Variants in PTGFRN observed in about 807,000 individuals in gnomAD.
PTGFRN encodes prostaglandin F2 receptor negative regulator.
A neutral mutation model predicts 83.2 loss-of-function variants in PTGFRN; 35 were observed. That is an observed-to-expected ratio of 0.42 (90% CI 0.32 to 0.56). PTGFRN has a LOEUF of 0.56. PTGFRN is among the 20% of genes least tolerant of loss of function. The pLI, the probability that PTGFRN is intolerant of heterozygous loss-of-function variation, is 0.11. For synonymous variants in PTGFRN, 519 were observed against 498.6 expected (o/e 1.04, Z -0.55); for missense variants, 1,051 against 1,179.5 (o/e 0.89, Z 1.60).
chr1:116,935,084 T>C (rs937139684), intron 1 of PTGFRN, among the ~76,000 whole-genome samples: 6 of 152,252 alleles, frequency 3.9e-5, no homozygotes, highest in African/African-American at 1.4e-4. Context: ...TCTGCTTAGC[T>C]TCTCAGCCAC....
intron 1 of PTGFRN, among the ~76,000 whole-genome samples, chr1:116,929,503 G>A (rs570154378): frequency 1.3e-5 from 2 of 152,310 alleles, no homozygotes; most frequent in East Asian, 3.9e-4. Flanking sequence ...ATCAGTCACA[G>A]TGATCTTTTT....
chr1:116,927,363 C>T (rs1649682548), intron 1 of PTGFRN, among the ~76,000 whole-genome samples: 1 of 152,068 alleles, frequency 6.6e-6, no homozygotes, highest in Non-Finnish European at 1.5e-5. Flanking sequence ...CTCCCAGGAT[C>T]TCTCAAAGGC....
intron 8 of PTGFRN, 144 bp from the exon 9 acceptor site, chr1:116,986,657 T>A (rs752122054): frequency 1.3e-4 from 85 of 679,406 alleles, no homozygotes; most frequent in Non-Finnish European, 2.0e-4. Flanking sequence ...CTGTCTCCAG[T>A]GGTGTGCTAG....
chr1:116,914,382 A>G lies in PTGFRN; in HGVS notation c.49+4130A>G, dbSNP rs140930182. On this transcript the variant is annotated intron_variant, in intron 1 of 8. Transcript: ENST00000393203. ...GCTGGGAAGCCATGTGCCAGCTACT[A>G]TGGAAGAAGGGAAAGACAGATTTTG... Among the ~76,000 whole-genome samples, 489 of 152,320 alleles carry G rather than the reference A, an allele frequency of 3.2e-3. 3 individuals carry two copies. The highest frequency in any genetic ancestry group is 4.7e-3 in the Non-Finnish European group (319 of 68,020).
In PTGFRN at chr1:116,910,158, G is replaced by A; in HGVS notation, c.-46G>A. 1.3e-6 allele frequency: 2 copies of A among 1,517,148 alleles called. No homozygotes were observed. Among genetic ancestry groups the A allele is most frequent in the South Asian group, 1.2e-5 (1 of 82,890 alleles). The allele number at this position is 1,517,148 out of a possible 1,614,324, so 94.0% of individuals were successfully genotyped here. ...CTGGAAGAGGAGGAGGAGGAGAGGCGGCGGGGAAGGAGGAGGAGGGGGAGA... is the reference window on the plus strand; with the variant it reads ...CTGGAAGAGGAGGAGGAGGAGAGGCAGCGGGGAAGGAGGAGGAGGGGGAGA... On this transcript the variant is annotated 5_prime_UTR_variant, in exon 1 of 9. Transcript: ENST00000393203.
At chr1:116,976,635 TGAA>T (rs1290899775) in intron 7 of PTGFRN, among the ~76,000 whole-genome samples, 1 of 152,032 alleles carries the variant, frequency 6.6e-6, no homozygotes, top group African/African-American at 2.4e-5. Context: ...GCTTCAGAAG[TGAA>T]GAAGAAATAA....
intron 7 of PTGFRN, among the ~76,000 whole-genome samples, chr1:116,980,248 A>C (rs1651275268): frequency 1.3e-5 from 2 of 152,282 alleles, no homozygotes; most frequent in African/African-American, 4.8e-5. Flanking sequence ...AAATAGGAAC[A>C]CTTTTACACT....
In PTGFRN at chr1:116,961,837, A is replaced by G. The variant is rs1570669010; in HGVS notation, c.1639+169A>G. Among the ~76,000 whole-genome samples the G allele has an allele frequency of 6.6e-6, 1 of 151,830 alleles. No individual in the cohort carries two copies. Among genetic ancestry groups the G allele is most frequent in the Non-Finnish European group, 1.5e-5 (1 of 67,940 alleles). ...GCACATGCTCTTTGGACTCACTATC[A>G]CCCCTCCTCTGTCCCCAAGCCCCAG... On this transcript the variant is annotated intron_variant, in intron 5 of 8. Transcript: ENST00000393203. The surrounding 1 kb of genome is among the most constrained non-coding windows in gnomAD (Gnocchi z 5.4).
At chr1:116,964,882 C>T (rs1650780661) in intron 5 of PTGFRN, among the ~76,000 whole-genome samples, 1 of 152,262 alleles carries the variant, frequency 6.6e-6, no homozygotes, top group Non-Finnish European at 1.5e-5. Flanking sequence ...TGGCGCCACC[C>T]TTGCCTGGAT....
rs1483261547 is a variant in PTGFRN, at chr1:116,944,756, G to A, written c.496G>A (p.Glu166Lys). The A allele has an allele frequency of 4.0e-6, 6 of 1,517,308 alleles. No homozygotes were observed. The Admixed American group carries it at 6.4e-5, about 16-fold the overall frequency. The allele number at this position is 1,517,308 out of a possible 1,614,324, so 94.0% of individuals were successfully genotyped here. A position where few individuals can be genotyped will look rare whatever the true frequency, so the allele number is the denominator to read the frequency against. Reference protein sequence around the residue: ...SLSLREGEPFELRCTAASASP... With the variant: ...SLSLREGEPFKLRCTAASASP... ...GAGCCTGCGGGAGGGGGAGCCCTTC[G>A]AGCTGCGCTGCACCGCCGCCTCCGC... The change falls in exon 3 of 9, where the codon GAG (glutamate) becomes AAG (lysine). Residue 166 changes from glutamate (E) to lysine (K), a missense_variant. Coordinates refer to ENST00000393203, the MANE Select transcript of PTGFRN (RefSeq NM_020440.4).
At chr1:116,926,531 A>G (rs2101054832) in intron 1 of PTGFRN, among the ~76,000 whole-genome samples, 1 of 152,352 alleles carries the variant, frequency 6.6e-6, no homozygotes, top group East Asian at 1.9e-4. Context: ...GTTAATCATC[A>G]GTACAGATTG....
At chr1:116,910,404 G>A in intron 1 of PTGFRN, 152 bp downstream of exon 1, 1 of 560,538 alleles carries the variant, frequency 1.8e-6, no homozygotes, top group Non-Finnish European at 2.4e-6. Context: ...TGTTCGGCCC[G>A]GCGGGGAGCG....
chr1:116,946,877 T>C (rs1557739488), intron 3 of PTGFRN, among the ~76,000 whole-genome samples: 1 of 152,264 alleles, frequency 6.6e-6, no homozygotes, highest in Non-Finnish European at 1.5e-5. Context: ...AGTGGCAGGC[T>C]TAACAACTGT....
chr1:116,987,232 A>C lies in PTGFRN; in HGVS notation c.*265A>C. The C allele has an allele frequency of 7.7e-6, 3 of 387,496 alleles. No homozygotes were observed. The highest frequency in any genetic ancestry group is 5.2e-5 in the East Asian group (1 of 19,212). 24.0% of individuals were successfully genotyped at this position (387,496 alleles called of 1,614,324 possible). ...TGCAGCTTTTTAATGGTTAACCTTCATCTAATTTTTTTTCTCCCACTGGTT... is the reference window on the plus strand; with the variant it reads ...TGCAGCTTTTTAATGGTTAACCTTCCTCTAATTTTTTTTCTCCCACTGGTT... On this transcript the variant is annotated 3_prime_UTR_variant, in exon 9 of 9. Transcript: ENST00000393203.
At chr1:116,974,970 C>T (rs943468922) in intron 7 of PTGFRN, among the ~76,000 whole-genome samples, 33 of 152,348 alleles carry the variant, frequency 2.2e-4, no homozygotes, top group Admixed American at 2.0e-3. Flanking sequence ...AATTCCCTTT[C>T]CTAGCCAAGG....
chr1:116,984,571 G>A, intron 7 of PTGFRN, 109 bp from the exon 8 acceptor site: 1 of 1,010,842 alleles, frequency 9.9e-7, no homozygotes, highest in East Asian at 2.4e-5. Context: ...CCGAAGGCAT[G>A]TAGTGTTGTG....
chr1:116,942,986 G>A (rs1650097443), intron 2 of PTGFRN, among the ~76,000 whole-genome samples: 2 of 152,166 alleles, frequency 1.3e-5, no homozygotes, highest in Non-Finnish European at 1.5e-5. Context: ...TAAGAAAATA[G>A]AAACATTATA....
chr1:116,916,802 C>T (rs994623876), intron 1 of PTGFRN, among the ~76,000 whole-genome samples: 14 of 152,094 alleles, frequency 9.2e-5, no homozygotes, highest in Non-Finnish European at 1.6e-4. Flanking sequence ...ATTGAGCAAG[C>T]GCCTACTATT....
rs564814830 is a variant in PTGFRN at position 116,952,306 on chromosome 1, T to C, written c.1213+2734T>C. On this transcript the variant is annotated intron_variant, in intron 4 of 8. Transcript: ENST00000393203. The surrounding 1 kb of genome is among the most constrained non-coding windows in gnomAD (Gnocchi z 4.0). ...GTGAGGGGATTGAAGCTGATTGGGGTCTTCTAGAGTTCCACTGTGCTAAGC... is the reference window on the plus strand; with the variant it reads ...GTGAGGGGATTGAAGCTGATTGGGGCCTTCTAGAGTTCCACTGTGCTAAGC... 1.3e-5 allele frequency among the ~76,000 whole-genome samples: 2 copies of C among 152,066 alleles called. No individual in the cohort carries two copies. The highest frequency in any genetic ancestry group is 4.8e-5 in the African/African-American group (2 of 41,470).
Sources: allele counts gnomAD v4.1 joint callset (sites outside exome capture counted in the v4.1 genomes callset), GRCh38; gene constraint gnomAD v4.1.1; non-coding constraint Gnocchi (gnomAD v3.1); transcripts MANE v1.5; gene names NCBI Gene and HGNC (gene_info 2026-07-23, HGNC 2026-07-21).